Variants in RAC1 observed in about 807,000 individuals in gnomAD.
RAC1 encodes ras-related C3 botulinum toxin substrate 1.
A neutral mutation model predicts 25.2 loss-of-function variants in RAC1; 2 were observed. The observed-to-expected ratio is 0.08, with a 90% CI of 0.03 to 0.25. The LOEUF (loss-of-function observed/expected upper bound fraction) is 0.25, where lower values mean the gene tolerates loss of function less well. Among genes scored for constraint, RAC1 ranks in the 10% least tolerant of loss-of-function variants. RAC1 has a pLI of 1.00. For synonymous variants in RAC1, 88 were observed against 94.0 expected, an observed-to-expected ratio of 0.94 and a Z score of 0.37; for missense variants, 50 against 235.7, an observed-to-expected ratio of 0.21 and a Z score of 5.16.
Position 6,378,188 on chromosome 7 carries a change from A to G in RAC1, c.35+3418A>G, listed in dbSNP as rs187838576. 2.1e-3 allele frequency among the ~76,000 whole-genome samples: 320 copies of G among 152,276 alleles called. 2 individuals are homozygous for G. The highest frequency in any genetic ancestry group is 7.0e-3 in the African/African-American group (292 of 41,566). ...TTCCTTCATGAAAATCTCTATTTCAATCTTCTGGGATGAGTTTTTTCCTTC... is the reference window on the plus strand; with the variant it reads ...TTCCTTCATGAAAATCTCTATTTCAGTCTTCTGGGATGAGTTTTTTCCTTC... On this transcript the variant is annotated intron_variant, in intron 1 of 5. Coordinates refer to ENST00000348035, the MANE Select transcript of RAC1 (RefSeq NM_006908.5).
rs898164536 is a variant in RAC1 at position 6,402,156 on chromosome 7, T to C, written c.448+129T>C. On this transcript the variant is annotated intron_variant, in intron 5 of 5. Coordinates refer to ENST00000348035, the MANE Select transcript of RAC1 (RefSeq NM_006908.5). ...CCTGGTGTACTCTTGGGGAACCAGC[T>C]GGCAAGGCCCTGTGGGTCTTAACGT... 8 of 1,440,124 alleles carry C rather than the reference T, an allele frequency of 5.6e-6. No individual in the cohort carries two copies. In the African/African-American group the frequency reaches 1.1e-4, roughly 20 times the overall value. 89.2% of individuals were successfully genotyped at this position (1,440,124 alleles called of 1,614,324 possible). A position where few individuals can be genotyped will look rare whatever the true frequency, so the allele number is the denominator to read the frequency against.
intron 3 of RAC1, among the ~76,000 whole-genome samples, chr7:6,397,968 A>C (rs963317500): frequency 4.7e-4 from 71 of 152,216 alleles, no homozygotes; most frequent in African/African-American, 1.7e-3. Flanking sequence ...CAGCCTGGGC[A>C]ACAGAGCAAG....
chr7:6,395,293 T>C (rs1395156705), intron 3 of RAC1, among the ~76,000 whole-genome samples: 1 of 151,842 alleles, frequency 6.6e-6, no homozygotes, highest in Non-Finnish European at 1.5e-5. Flanking sequence ...AGTGGTGGGC[T>C]AGACTCCTGT....
In RAC1 at chr7:6,374,657, C is replaced by T; in HGVS notation, c.-79C>T. Reference sequence around the variant, plus strand: ...CGCCCCGCCGCCCGCAAGCCGCGCGCCCGTCCGCCGCGCCCCGAGCCCGCC... The same window carrying T: ...CGCCCCGCCGCCCGCAAGCCGCGCGTCCGTCCGCCGCGCCCCGAGCCCGCC... On this transcript the variant is annotated 5_prime_UTR_variant, in exon 1 of 6. Coordinates refer to ENST00000348035, the MANE Select transcript of RAC1 (RefSeq NM_006908.5). 1 of 984,330 alleles carries T rather than the reference C, an allele frequency of 1.0e-6. No homozygotes were observed. Among genetic ancestry groups the T allele is most frequent in the Non-Finnish European group, 1.2e-6 (1 of 814,282 alleles). The allele number at this position is 984,330 out of a possible 1,614,324, so 61.0% of individuals were successfully genotyped here. A position where few individuals can be genotyped will look rare whatever the true frequency, so the allele number is the denominator to read the frequency against.
intron 1 of RAC1, among the ~76,000 whole-genome samples, chr7:6,380,100 T>C (rs776810474): frequency 1.3e-5 from 2 of 152,222 alleles, no homozygotes; most frequent in African/African-American, 4.8e-5. Flanking sequence ...ATGTGAAAAA[T>C]GCCTTCCGTG....
chr7:6,389,327 G>A (rs932180939), intron 2 of RAC1, among the ~76,000 whole-genome samples: 8 of 152,026 alleles, frequency 5.3e-5, no homozygotes, highest in Non-Finnish European at 1.2e-4. Context: ...ATTAACGTGG[G>A]TTGAAGTTAT....
At chr7:6,387,076 G>T (rs1301143516) in intron 1 of RAC1, 136 bp from the exon 2 acceptor site, 2 of 582,366 alleles carry the variant, frequency 3.4e-6, no homozygotes, top group African/African-American at 3.9e-5. Context: ...AAGGGTTATA[G>T]AAAACATTTT....
intron 3 of RAC1, among the ~76,000 whole-genome samples, chr7:6,394,063 T>C (rs2115204367): frequency 6.6e-6 from 1 of 152,268 alleles, no homozygotes; most frequent in South Asian, 2.1e-4. Context: ...GATTGCTGGC[T>C]CTGTGGTCTG....
At chr7:6,390,605 A>T (rs1015723936) in intron 2 of RAC1, among the ~76,000 whole-genome samples, 16 of 151,860 alleles carry the variant, frequency 1.1e-4, no homozygotes, top group East Asian at 3.9e-4. Flanking sequence ...CTCAAAAAAA[A>T]AATAATAATA....
chr7:6,400,922 G>C (rs772418494), intron 4 of RAC1, among the ~76,000 whole-genome samples: 1 of 152,078 alleles, frequency 6.6e-6, no homozygotes, highest in Non-Finnish European at 1.5e-5. Context: ...TGATCCGCGC[G>C]TCTCGGCCTC....
intron 1 of RAC1, among the ~76,000 whole-genome samples, chr7:6,386,774 A>G (rs1309977355): frequency 1.3e-5 from 2 of 148,572 alleles, no homozygotes; most frequent in Admixed American, 6.8e-5. Context: ...GGGCGACAGC[A>G]CGAGACTCGG....
chr7:6,390,916 A>G (rs1783074917), intron 2 of RAC1, among the ~76,000 whole-genome samples: 1 of 151,956 alleles, frequency 6.6e-6, no homozygotes, highest in South Asian at 2.1e-4. Flanking sequence ...TTTTTTCTTG[A>G]GACCGAGTTT....
At chr7:6,384,346 C>T (rs1307984121) in intron 1 of RAC1, among the ~76,000 whole-genome samples, 2 of 152,200 alleles carry the variant, frequency 1.3e-5, no homozygotes, top group Admixed American at 6.6e-5. Flanking sequence ...AGGCTTCCTG[C>T]CACACTGCAG....
At chr7:6,382,824 G>A (rs1470285696) in intron 1 of RAC1, among the ~76,000 whole-genome samples, 3 of 152,224 alleles carry the variant, frequency 2.0e-5, no homozygotes, top group African/African-American at 2.4e-5. Context: ...GGTAAGCCAG[G>A]ATTGCACCAT....
intron 4 of RAC1, among the ~76,000 whole-genome samples, chr7:6,400,674 T>C (rs980738381): frequency 4.0e-5 from 6 of 151,124 alleles, no homozygotes; most frequent in African/African-American, 1.5e-4. Flanking sequence ...TCTTTTTTTT[T>C]GTTTTTGTTT....
intron 3 of RAC1, among the ~76,000 whole-genome samples, chr7:6,394,280 A>G (rs1403860557): frequency 6.6e-6 from 1 of 152,238 alleles, no homozygotes; most frequent in African/African-American, 2.4e-5. Context: ...GATGGTGAGC[A>G]GGTAGTCGCC....
intron 1 of RAC1, chr7:6,375,753 A>C (rs1163745918): frequency 1.3e-5 from 2 of 151,882 alleles, no homozygotes; most frequent in Non-Finnish European, 2.9e-5. Flanking sequence ...GATGTAGCAG[A>C]ACTGGCCCCC....
chr7:6,401,781 G>GC, intron 4 of RAC1, 87 bp from the exon 5 acceptor site: 1 of 1,449,108 alleles, frequency 6.9e-7, no homozygotes, highest in Admixed American at 2.0e-5. Flanking sequence ...TAGGTGTCTG[G>GC]CATGAGTGCC....
At chr7:6,397,346 G>A (rs138411477) in intron 3 of RAC1, among the ~76,000 whole-genome samples, 3,288 of 152,060 alleles carry the variant, frequency 0.022, 54 homozygotes, top group Non-Finnish European at 0.033. Context: ...CCAGACTGGA[G>A]TGCAGTGTCA....
Sources: gnomAD v4.1 joint callset for allele counts (sites outside exome capture counted in the v4.1 genomes callset) on GRCh38, gnomAD v4.1.1 for gene constraint, MANE v1.5 for transcripts, NCBI Gene and HGNC (gene_info 2026-07-23, HGNC 2026-07-21) for gene names.